The following GALNT1 variants were observed in gnomAD, a reference collection of about 807,000 sequenced individuals.
GALNT1 encodes the protein polypeptide N-acetylgalactosaminyltransferase 1.
A neutral mutation model predicts 65.7 loss-of-function variants in GALNT1; 17 were observed. The ratio of observed to expected loss-of-function variants is 0.26; its 90% CI spans 0.18 to 0.39. The LOEUF (loss-of-function observed/expected upper bound fraction) is 0.39. Among genes scored for constraint, GALNT1 ranks in the 10% least tolerant of loss-of-function variants. GALNT1 has a pLI of 1.00. For missense variants in GALNT1, 460 were observed against 672.8 expected (o/e 0.68, Z 3.50); for synonymous variants, 210 against 219.7 (o/e 0.96, Z 0.39).
In GALNT1 at chr18:35,687,139, C is replaced by A. The variant is rs1032955036; in HGVS notation, c.813C>A (p.Pro271=). ...WKLNFRWYPV[P]QREMDRRKGD... Reference sequence around the variant, plus strand: ...TCAATTTTCGCTGGTATCCTGTTCCCCAAAGAGAAATGGACAGAAGGAAAG... The same window carrying A: ...TCAATTTTCGCTGGTATCCTGTTCCACAAAGAGAAATGGACAGAAGGAAAG... Residue 271 remains proline, a synonymous_variant, in exon 6 of 12, where the codon CCC becomes CCA. Transcript: ENST00000269195. The A allele has an allele frequency of 6.2e-7, 1 of 1,613,650 alleles. No individual in the cohort carries two copies. The highest frequency in any genetic ancestry group is 8.5e-7 in the Non-Finnish European group (1 of 1,179,784).
intron 1 of GALNT1, among the ~76,000 whole-genome samples, chr18:35,594,692 G>C (rs2046484592): frequency 6.6e-6 from 1 of 152,172 alleles, no homozygotes; most frequent in Non-Finnish European, 1.5e-5. Flanking sequence ...GTTGGAAGCT[G>C]AGCACATTAA....
chr18:35,599,199 C>T (rs2046546871), intron 1 of GALNT1, among the ~76,000 whole-genome samples: 1 of 151,846 alleles, frequency 6.6e-6, no homozygotes, highest in Non-Finnish European at 1.5e-5. Flanking sequence ...GTTTCCTTTG[C>T]TCTGCAGAAG....
chr18:35,623,932 T>A (rs994535403), intron 1 of GALNT1, among the ~76,000 whole-genome samples: 5 of 152,196 alleles, frequency 3.3e-5, no homozygotes, highest in Non-Finnish European at 4.4e-5. Context: ...ACTTTTCTGT[T>A]TATTTTCATG....
chr18:35,702,216 A>G (rs2048176766), intron 9 of GALNT1, among the ~76,000 whole-genome samples: 1 of 152,230 alleles, frequency 6.6e-6, no homozygotes, highest in African/African-American at 2.4e-5. Flanking sequence ...AAAAGTCTAC[A>G]TGACATGACA....
chr18:35,659,557 A>G lies in GALNT1; in HGVS notation c.140-4071A>G, dbSNP rs546418655. 5.9e-5 allele frequency among the ~76,000 whole-genome samples: 9 copies of G among 152,314 alleles called. No individual in the cohort carries two copies. The East Asian group carries it at 1.3e-3, about 23-fold the overall frequency. ...TTACACTCTTCTGCTTTCCAGAATT[A>G]GCCCATTTATCCACTTTATGGATTT... On this transcript the variant is annotated intron_variant, in intron 2 of 11. Transcript: ENST00000269195.
At chr18:35,645,738 A>G (rs926865331) in intron 1 of GALNT1, among the ~76,000 whole-genome samples, 2 of 151,990 alleles carry the variant, frequency 1.3e-5, no homozygotes, top group Non-Finnish European at 1.5e-5. Context: ...TCATTTTCTT[A>G]TCTGTTGCTT....
intron 1 of GALNT1, among the ~76,000 whole-genome samples, chr18:35,588,335 C>T (rs187259988): frequency 6.6e-6 from 1 of 152,116 alleles, no homozygotes; most frequent in Non-Finnish European, 1.5e-5. Context: ...AGAAAGGAAT[C>T]GTTTTTCTCT....
intron 9 of GALNT1, among the ~76,000 whole-genome samples, chr18:35,694,859 A>T (rs890357928): frequency 6.6e-6 from 1 of 152,236 alleles, no homozygotes; most frequent in African/African-American, 2.4e-5. Context: ...AAATTCTGAT[A>T]CATGCTACAA....
At chr18:35,636,907 TG>T (rs2047098485) in intron 1 of GALNT1, among the ~76,000 whole-genome samples, 1 of 152,012 alleles carries the variant, frequency 6.6e-6, no homozygotes, top group Non-Finnish European at 1.5e-5. Flanking sequence ...TGTCACATTT[TG>T]GTAATTCTTA....
intron 1 of GALNT1, among the ~76,000 whole-genome samples, chr18:35,592,223 CTGTT>C (rs906362417): frequency 6.6e-6 from 1 of 152,156 alleles, no homozygotes; most frequent in Admixed American, 6.6e-5. Context: ...TATTGAGTAT[CTGTT>C]TGTGCCAGGC....
chr18:35,581,952 T>C (rs1468016015), intron 1 of GALNT1, 90 bp downstream of exon 1: 1 of 151,678 alleles, frequency 6.6e-6, no homozygotes, highest in African/African-American at 2.4e-5. Flanking sequence ...CGCGGCCGCG[T>C]CCCCGGTCCC....
intron 9 of GALNT1, 123 bp downstream of exon 9, chr18:35,692,443 CT>C (rs1272901379): frequency 1.8e-6 from 1 of 560,310 alleles, no homozygotes; most frequent in African/African-American, 2.0e-5. Flanking sequence ...TTTAACTTCT[CT>C]TGCTTCCTTC....
At chr18:35,651,812 T>C (rs1432604768) in intron 1 of GALNT1, among the ~76,000 whole-genome samples, 2 of 152,236 alleles carry the variant, frequency 1.3e-5, no homozygotes, top group Admixed American at 1.3e-4. Context: ...GAAGTAATAA[T>C]TATTTAATTA....
chr18:35,665,488 T>C (rs2047536758), intron 3 of GALNT1, among the ~76,000 whole-genome samples: 2 of 152,272 alleles, frequency 1.3e-5, no homozygotes, highest in Admixed American at 1.3e-4. Flanking sequence ...GCACAAATTT[T>C]CAAATTGAAA....
At chr18:35,664,654 TATCAGCAATATATTAGTTAG>T (rs1372955643) in intron 3 of GALNT1, 2 of 152,224 alleles carry the variant, frequency 1.3e-5, no homozygotes, top group Non-Finnish European at 2.9e-5. Context: ...TTTACACTCC[TATCAGCAATATATTAGTTAG>T]ATGTCTAGTT....
intron 1 of GALNT1, among the ~76,000 whole-genome samples, chr18:35,588,760 A>G (rs1471622370): frequency 2.0e-5 from 3 of 150,964 alleles, no homozygotes; most frequent in Admixed American, 6.6e-5. Context: ...GTTTTTCTTC[A>G]TATCTTGTAT....
rs574830593 is a variant in GALNT1, at chr18:35,692,058, A to G, written c.1160-123A>G. 278 of 745,744 alleles carry G rather than the reference A, an allele frequency of 3.7e-4. 1 individual carries two copies. Among genetic ancestry groups the G allele is most frequent in the African/African-American group, 3.2e-3 (174 of 54,982 alleles). 46.2% of individuals were successfully genotyped at this position (745,744 alleles called of 1,614,324 possible). A position where few individuals can be genotyped will look rare whatever the true frequency, so the allele number is the denominator to read the frequency against. ...GTGGATTCATGGTGTCTCCACTTGT[A>G]TAGTCACATATCACCCAGCTGATAC... On this transcript the variant is annotated intron_variant, in intron 8 of 11. Coordinates refer to ENST00000269195, the MANE Select transcript of GALNT1 (RefSeq NM_020474.4).
intron 1 of GALNT1, among the ~76,000 whole-genome samples, chr18:35,598,754 G>A (rs148807666): frequency 3.1e-4 from 47 of 152,174 alleles, no homozygotes; most frequent in African/African-American, 1.1e-3. Flanking sequence ...CCCAGCATTG[G>A]GGTTGCTGGA....
chr18:35,656,593 C>A (rs901006590), intron 2 of GALNT1, among the ~76,000 whole-genome samples: 1 of 152,130 alleles, frequency 6.6e-6, no homozygotes, highest in Non-Finnish European at 1.5e-5. Flanking sequence ...CAAGTGAGAA[C>A]GAGTTGATAG....
Sources: allele counts gnomAD v4.1 joint callset (sites outside exome capture counted in the v4.1 genomes callset), GRCh38; gene constraint gnomAD v4.1.1; transcripts MANE v1.5; gene names NCBI Gene and HGNC (gene_info 2026-07-23, HGNC 2026-07-21).